The following MLH3 variants were observed in gnomAD, a reference collection of about 807,000 sequenced individuals.
MLH3 encodes the protein mutL homolog 3, also known as DNA mismatch repair protein Mlh3.
Under a neutral mutation model 122.2 loss-of-function variants are expected in MLH3, and 82 were observed. That is an observed-to-expected ratio of 0.67 (90% CI 0.56 to 0.81). The LOEUF (loss-of-function observed/expected upper bound fraction) is 0.81. MLH3 is among the 30% of genes least tolerant of loss of function. The pLI, the probability that MLH3 is intolerant of heterozygous loss-of-function variation, is 0.00. For synonymous variants in MLH3, 524 were observed against 599.5 expected (o/e 0.87, Z 1.84); for missense variants, 1,539 against 1,714.5 (o/e 0.90, Z 1.81).
At chr14:75,020,209 G>A (rs975209007) in intron 11 of MLH3, among the ~76,000 whole-genome samples, 1 of 152,202 alleles carries the variant, frequency 6.6e-6, no homozygotes, top group Non-Finnish European at 1.5e-5. Context: ...GGTGGAGAGT[G>A]ATATGACGTG....
chr14:75,045,283 T>C (rs1426451009), intron 2 of MLH3, among the ~76,000 whole-genome samples: 1 of 152,132 alleles, frequency 6.6e-6, no homozygotes, highest in Non-Finnish European at 1.5e-5. Flanking sequence ...TGAGCCGAGA[T>C]CACGCCACTA....
At position 75,047,268 on chromosome 14, in the gene MLH3, G is replaced by T; in HGVS notation, c.2388C>A (p.Asn796Lys). ...TACAAACATCAGAGTTCTCTAAGCG[G>T]TTCTTGTCCTTCAGCAGAATGTCAG... ...VEPDILLKDKNRLENSDVCKI... is the reference protein window; with the variant it reads ...VEPDILLKDKKRLENSDVCKI... Residue 796 changes from asparagine (N) to lysine (K), a missense_variant, in exon 2 of 13, where the codon AAC becomes AAA. Coordinates refer to ENST00000355774, the MANE Select transcript of MLH3 (RefSeq NM_001040108.2). 3 of 1,614,126 alleles carry T rather than the reference G, an allele frequency of 1.9e-6. No homozygotes were observed. Among genetic ancestry groups the T allele is most frequent in the Non-Finnish European group, 2.5e-6 (3 of 1,180,008 alleles).
rs781196796 is a variant in MLH3, at chr14:75,048,432, T to C, written c.1224A>G (p.Ser408=). The change falls in exon 2 of 13, where the codon TCA becomes TCG. Residue 408 remains serine, a synonymous_variant. Transcript: ENST00000355774. ...CAGTAGTTTTTCTTTTCACAGCTTTTGACTGCAAATTAAACATCTCATAGG... is the reference window on the plus strand; with the variant it reads ...CAGTAGTTTTTCTTTTCACAGCTTTCGACTGCAAATTAAACATCTCATAGG... ...LDSYEMFNLQ[S]KAVKRKTTAE... 1 of 1,610,328 alleles carries C rather than the reference T, an allele frequency of 6.2e-7. No homozygotes were observed. The highest frequency in any genetic ancestry group is 2.2e-5 in the East Asian group (1 of 44,862).
Position 75,049,109 on chromosome 14 carries a change from G to A in MLH3, c.547C>T (p.Pro183Ser), listed in dbSNP as rs1351462854. Residue 183 changes from proline to serine, a missense_variant, in exon 2 of 13, where the codon CCT becomes TCT. Pro to Ser is a moderately conservative substitution (Grantham distance 74, BLOSUM62 -1). Coordinates refer to ENST00000355774, the MANE Select transcript of MLH3 (RefSeq NM_001040108.2). ...QRIEALSLMHPSISFSLRNDV... is the reference protein window; with the variant it reads ...QRIEALSLMHSSISFSLRNDV... ...TTTCTCAAAGAGAAAGAAATGGAAG[G>A]GTGCATGAGTGAGAGAGCTTCTATT... 6.2e-7 allele frequency: 1 copy of A among 1,614,072 alleles called. No individual in the cohort carries two copies. The highest frequency in any genetic ancestry group is 1.3e-5 in the African/African-American group (1 of 75,020).
intron 11 of MLH3, among the ~76,000 whole-genome samples, chr14:75,020,033 A>T (rs180811092): frequency 1.3e-5 from 2 of 152,370 alleles, no homozygotes; most frequent in East Asian, 3.9e-4. Flanking sequence ...CTGGCAAAGT[A>T]GTATTCAAGC....
intron 2 of MLH3, among the ~76,000 whole-genome samples, chr14:75,043,349 T>C (rs187101706): frequency 2.8e-4 from 43 of 152,358 alleles, no homozygotes; most frequent in African/African-American, 8.7e-4. Flanking sequence ...TATATTTAGA[T>C]AGCTATCTTC....
chr14:75,051,043 C>G (rs1196143763), intron 1 of MLH3: 1 of 152,288 alleles, frequency 6.6e-6, no homozygotes, highest in African/African-American at 2.4e-5. Context: ...AAACGTTTAA[C>G]AAGTATTCCG....
chr14:75,049,233 G>T lies in MLH3; in HGVS notation c.423C>A (p.Ser141Arg). 5 of 1,614,144 alleles carry T rather than the reference G, an allele frequency of 3.1e-6. No individual in the cohort carries two copies. Among genetic ancestry groups the T allele is most frequent in the Non-Finnish European group, 4.2e-6 (5 of 1,180,024 alleles). ...KACEADVTRA[S>R]AGTTVTVYNL... The stretch of plus-strand genomic sequence containing the variant: ...TATACACTGTTACAGTAGTCCCAGC[G>T]CTTGCTCTAGTCACATCAGCTTCAC... The change falls in exon 2 of 13, where the codon AGC (serine) becomes AGA (arginine). Residue 141 changes from serine to arginine, a missense_variant. Physicochemically the swap from Ser to Arg is moderately radical, Grantham distance 110. Coordinates refer to ENST00000355774, the MANE Select transcript of MLH3 (RefSeq NM_001040108.2).
chr14:75,034,393 T>C (rs1341123649), intron 6 of MLH3, among the ~76,000 whole-genome samples: 1 of 152,166 alleles, frequency 6.6e-6, no homozygotes, highest in Non-Finnish European at 1.5e-5. Context: ...CAGTGCACTT[T>C]AGATCACAAG....
chr14:75,034,237 C>T (rs981695148), intron 6 of MLH3, among the ~76,000 whole-genome samples: 1 of 150,544 alleles, frequency 6.6e-6, no homozygotes, highest in African/African-American at 2.4e-5. Context: ...AAGTTTGAAG[C>T]TTGAATATAT....
At chr14:75,033,528 C>G (rs757395846) in intron 6 of MLH3, 38 bp from the exon 7 acceptor site, 1 of 1,512,196 alleles carries the variant, frequency 6.6e-7, no homozygotes, top group Non-Finnish European at 9.2e-7. Context: ...ATTCTCAGAG[C>G]AAGACGACAA....
intron 11 of MLH3, 90 bp downstream of exon 11, chr14:75,022,724 A>G (rs1890365140): frequency 3.7e-6 from 4 of 1,076,796 alleles, no homozygotes; most frequent in Non-Finnish European, 5.8e-6. Flanking sequence ...CAAGTAGTAA[A>G]TGTACCCTCT....
intron 11 of MLH3, chr14:75,019,196 G>A (rs2139300010): frequency 1.9e-6 from 1 of 516,740 alleles, no homozygotes; most frequent in East Asian, 3.5e-5. Flanking sequence ...CAGATCATGA[G>A]GTCAGGAGTT....
intron 5 of MLH3, among the ~76,000 whole-genome samples, chr14:75,039,639 T>TGG (rs1891668486): frequency 2.0e-5 from 3 of 151,806 alleles, no homozygotes; most frequent in Admixed American, 1.3e-4. Context: ...TCCTTGAAAC[T>TGG]GTCAGCCTGA....
intron 6 of MLH3, among the ~76,000 whole-genome samples, chr14:75,037,511 CTAT>C (rs1891500930): frequency 6.6e-6 from 1 of 152,026 alleles, no homozygotes. Flanking sequence ...TATTTACAAA[CTAT>C]TATTGTTTCA....
At chr14:75,041,312 G>T (rs1216249413) in intron 4 of MLH3, among the ~76,000 whole-genome samples, 5 of 152,162 alleles carry the variant, frequency 3.3e-5, no homozygotes, top group Non-Finnish European at 7.4e-5. Flanking sequence ...GACTTTGGGA[G>T]GCTGAGGCGG....
chr14:75,015,130 G>T lies in MLH3; in HGVS notation c.*1952C>A, dbSNP rs1163851985. ...TAATGATTACTATTATAAATTACAT[G>T]TATCTTTGTTCTTATGGCATCTGAG... On this transcript the variant is annotated 3_prime_UTR_variant, in exon 13 of 13. Transcript: ENST00000355774. 1 of 173,762 alleles carries T rather than the reference G, an allele frequency of 5.8e-6. No individual in the cohort carries two copies. The highest frequency in any genetic ancestry group is 1.2e-5 in the Non-Finnish European group (1 of 80,360). 10.8% of individuals were successfully genotyped at this position (173,762 alleles called of 1,614,324 possible). A position where few individuals can be genotyped will look rare whatever the true frequency, so the allele number is the denominator to read the frequency against.
Position 75,042,390 on chromosome 14 carries a change from T to G in MLH3, c.3368A>C (p.Gln1123Pro), listed in dbSNP as rs1233624566. 6.2e-7 allele frequency: 1 copy of G among 1,614,072 alleles called. No homozygotes were observed. The highest frequency in any genetic ancestry group is 2.2e-5 in the East Asian group (1 of 44,880). Residue 1123 changes from glutamine (Q) to proline (P), a missense_variant, in exon 3 of 13, where the codon CAG becomes CCG. By Grantham distance (76) the Gln-to-Pro change is moderately conservative. Transcript: ENST00000355774. ...TCTGCCACCCTTACCTCTGTTATCC[T>G]GTCTCATCACAGTCCTCTCTGCTCG... ...RARAERTVMRQDNRDTVDDTV... is the reference protein window; with the variant it reads ...RARAERTVMRPDNRDTVDDTV...
In MLH3 at chr14:75,046,719, A is replaced by G; in HGVS notation, c.2937T>C (p.Val979=). 6 of 1,614,172 alleles carry G rather than the reference A, an allele frequency of 3.7e-6. No individual in the cohort carries two copies. Among genetic ancestry groups the G allele is most frequent in the Non-Finnish European group, 5.1e-6 (6 of 1,180,016 alleles). Residue 979 remains valine (V), a synonymous_variant, in exon 2 of 13, where the codon GTT becomes GTC. Coordinates refer to ENST00000355774, the MANE Select transcript of MLH3 (RefSeq NM_001040108.2). ...PLVLPYNNSK[V]TGKDSDVLIR... ...TAAGAACATCTGAATCTTTACCGGTAACTTTAGAATTATTATAGGGCAATA... is the reference window on the plus strand; with the variant it reads ...TAAGAACATCTGAATCTTTACCGGTGACTTTAGAATTATTATAGGGCAATA...
Sources: gnomAD v4.1 joint callset for allele counts (sites outside exome capture counted in the v4.1 genomes callset) on GRCh38, gnomAD v4.1.1 for gene constraint, MANE v1.5 for transcripts, NCBI Gene and HGNC (gene_info 2026-07-23, HGNC 2026-07-21) for gene names.